The following DSCAM variants were observed in gnomAD, a reference collection of about 807,000 sequenced individuals.
The protein encoded by DSCAM is DS cell adhesion molecule.
In DSCAM, 47 loss-of-function variants were observed where a neutral mutation model predicts 217.7. The ratio of observed to expected loss-of-function variants is 0.22; its 90% confidence interval spans 0.17 to 0.28. The LOEUF (loss-of-function observed/expected upper bound fraction) is 0.28, where lower values mean the gene tolerates loss of function less well. DSCAM is among the 10% of genes least tolerant of loss of function. DSCAM has a pLI of 1.00. For missense variants in DSCAM, 2,080 were observed against 2,618.3 expected (o/e 0.79, Z 4.49); for synonymous variants, 1,056 against 1,015.3 (o/e 1.04, Z -0.76).
intron 3 of DSCAM, among the ~76,000 whole-genome samples, chr21:40,530,546 T>G (rs2076435308): frequency 6.6e-6 from 1 of 152,222 alleles, no homozygotes; most frequent in South Asian, 2.1e-4. Flanking sequence ...ACTCAAGTGC[T>G]TGGCTAATTT....
At chr21:40,413,042 G>A (rs575591581) in intron 3 of DSCAM, among the ~76,000 whole-genome samples, 2 of 152,346 alleles carry the variant, frequency 1.3e-5, no homozygotes, top group Middle Eastern at 6.8e-3. Context: ...TTGACCCTGC[G>A]AGTGCACAGA....
At chr21:40,527,293 A>T (rs2076408151) in intron 3 of DSCAM, among the ~76,000 whole-genome samples, 2 of 152,102 alleles carry the variant, frequency 1.3e-5, no homozygotes, top group South Asian at 4.2e-4. Flanking sequence ...AACTCCTCCT[A>T]TCAAGTCCCA....
At chr21:40,330,410 A>AT (rs1360240771) in intron 8 of DSCAM, among the ~76,000 whole-genome samples, 1 of 147,300 alleles carries the variant, frequency 6.8e-6, no homozygotes, top group Non-Finnish European at 1.5e-5. Context: ...TTATACATAT[A>AT]TATATATATA....
chr21:40,541,633 C>T (rs1349323570), intron 3 of DSCAM, among the ~76,000 whole-genome samples: 1 of 151,960 alleles, frequency 6.6e-6, no homozygotes, highest in African/African-American at 2.4e-5. Flanking sequence ...TCTATACACA[C>T]ACATAAATGC....
At chr21:40,453,040 TTG>T (rs3069917) in intron 3 of DSCAM, among the ~76,000 whole-genome samples, 11,417 of 134,106 alleles carry the variant, frequency 0.085, 539 homozygotes, top group Middle Eastern at 0.13. Flanking sequence ...TTTAAAGACT[TTG>T]TGTGTGTGTG....
At chr21:40,759,374 TC>T (rs1452987299) in intron 1 of DSCAM, among the ~76,000 whole-genome samples, 1 of 152,174 alleles carries the variant, frequency 6.6e-6, no homozygotes, top group Non-Finnish European at 1.5e-5. Context: ...TGCTTTGAAT[TC>T]CTCATTGCCC....
Position 40,397,473 on chromosome 21 carries a change from G to A in DSCAM, c.509-28228C>T, listed in dbSNP as rs558869600. 4.6e-5 allele frequency among the ~76,000 whole-genome samples: 7 copies of A among 152,218 alleles called. 1 individual carries two copies. The South Asian group carries it at 1.5e-3, about 32-fold the overall frequency. Reference sequence around the variant, plus strand: ...TCCACCATGATGAGAAGCTTCCTGAGGCCTCCCAGAAGCTGAGCAGATGCC... The same window carrying A: ...TCCACCATGATGAGAAGCTTCCTGAAGCCTCCCAGAAGCTGAGCAGATGCC... On this transcript the variant is annotated intron_variant, in intron 3 of 32. Transcript: ENST00000400454.
At chr21:40,299,810 A>G (rs2073994625) in intron 9 of DSCAM, among the ~76,000 whole-genome samples, 3 of 152,102 alleles carry the variant, frequency 2.0e-5, no homozygotes, top group Admixed American at 2.0e-4. Context: ...GCAGCAGTTT[A>G]TTTTTTAAAA....
At chr21:40,155,671 G>T (rs933211119) in intron 16 of DSCAM, among the ~76,000 whole-genome samples, 3 of 152,106 alleles carry the variant, frequency 2.0e-5, no homozygotes. Flanking sequence ...TCTGATTCTG[G>T]AAGCTCTGTA....
intron 3 of DSCAM, among the ~76,000 whole-genome samples, chr21:40,415,399 G>A (rs2075361318): frequency 1.3e-5 from 2 of 152,192 alleles, no homozygotes; most frequent in South Asian, 4.1e-4. Flanking sequence ...AACAAACAGA[G>A]CTAATATACT....
intron 6 of DSCAM, among the ~76,000 whole-genome samples, chr21:40,342,632 A>G (rs1181756140): frequency 3.4e-4 from 29 of 85,858 alleles, no homozygotes; most frequent in African/African-American, 1.2e-3. Context: ...GTGTGTATAT[A>G]TATATATATA....
intron 1 of DSCAM, among the ~76,000 whole-genome samples, chr21:40,772,877 G>A (rs954784019): frequency 1.3e-4 from 20 of 152,272 alleles, no homozygotes; most frequent in African/African-American, 3.6e-4. Context: ...CATAATCGCC[G>A]CGGTGGTGGA....
chr21:40,577,646 C>G (rs777307213), intron 3 of DSCAM, among the ~76,000 whole-genome samples: 3 of 152,180 alleles, frequency 2.0e-5, no homozygotes, highest in African/African-American at 4.8e-5. Flanking sequence ...TCAAAATTCT[C>G]TCGGCCCTGA....
intron 2 of DSCAM, among the ~76,000 whole-genome samples, chr21:40,696,323 G>A (rs2090594750): frequency 6.6e-6 from 1 of 152,126 alleles, no homozygotes; most frequent in African/African-American, 2.4e-5. Context: ...GAGGAGCTGG[G>A]TTCAAGCGAC....
chr21:40,480,108 A>G lies in DSCAM; in HGVS notation c.509-110863T>C, dbSNP rs577619600. 3.3e-4 allele frequency among the ~76,000 whole-genome samples: 50 copies of G among 152,360 alleles called. No homozygotes were observed. In the South Asian group the frequency reaches 4.4e-3, roughly 13 times the overall value. The stretch of plus-strand genomic sequence containing the variant: ...CCCAACATTAAGAAACAAGAACGCC[A>G]GAAATGAGGCAGAGGAAGGTCAAAC... On this transcript the variant is annotated intron_variant, in intron 3 of 32. Coordinates refer to ENST00000400454, the MANE Select transcript of DSCAM (RefSeq NM_001389.5).
chr21:40,812,930 A>C (rs2091851217), intron 1 of DSCAM, among the ~76,000 whole-genome samples: 1 of 152,202 alleles, frequency 6.6e-6, no homozygotes. Context: ...GAGGATTGAA[A>C]ATTGCCTGCT....
At chr21:40,356,894 G>A (rs1415869019) in intron 4 of DSCAM, among the ~76,000 whole-genome samples, 1 of 152,174 alleles carries the variant, frequency 6.6e-6, no homozygotes, top group African/African-American at 2.4e-5. Flanking sequence ...GTTGAAAATA[G>A]AACAAAAACA....
chr21:40,287,765 G>A (rs1241910709), intron 10 of DSCAM, among the ~76,000 whole-genome samples: 3 of 152,180 alleles, frequency 2.0e-5, no homozygotes. Flanking sequence ...GTAAGGGACA[G>A]CCAGGCCCTC....
chr21:40,301,432 G>A (rs2074012738), intron 9 of DSCAM, among the ~76,000 whole-genome samples: 1 of 152,182 alleles, frequency 6.6e-6, no homozygotes, highest in Non-Finnish European at 1.5e-5. Flanking sequence ...CAGTCCCCAA[G>A]ACCATTCTTG....
Sources: gnomAD v4.1 joint callset for allele counts (sites outside exome capture counted in the v4.1 genomes callset) on GRCh38, gnomAD v4.1.1 for gene constraint, MANE v1.5 for transcripts, NCBI Gene and HGNC (gene_info 2026-07-23, HGNC 2026-07-21) for gene names.